Variants in RGS6 observed in about 807,000 individuals in gnomAD.
RGS6 encodes regulator of G protein signaling 6.
Under a neutral mutation model 78.5 loss-of-function variants are expected in RGS6, and 30 were observed. The observed-to-expected ratio is 0.38, with a 90% CI of 0.29 to 0.52. The LOEUF (loss-of-function observed/expected upper bound fraction) is 0.52, where lower values mean the gene tolerates loss of function less well. Among genes scored for constraint, RGS6 ranks in the 20% least tolerant of loss-of-function variants. RGS6 has a pLI of 0.85. For missense variants in RGS6, 495 were observed against 609.7 expected, an observed-to-expected ratio of 0.81 and a Z score of 1.98; for synonymous variants, 206 against 206.0, an observed-to-expected ratio of 1.00 and a Z score of 0.00.
At chr14:72,611,582 C>G in the RGS6 span, among the ~76,000 whole-genome samples, 1 of 152,096 alleles carries the variant, frequency 6.6e-6, no homozygotes, top group Admixed American at 6.5e-5. Flanking sequence ...TTTTCTGCCT[C>G]TGATCAGGCC....
chr14:72,136,958 G>A (rs2153603329), intron 2 of RGS6, among the ~76,000 whole-genome samples: 1 of 152,250 alleles, frequency 6.6e-6, no homozygotes, highest in African/African-American at 2.4e-5. Context: ...CAAGTGAAAT[G>A]GAGAGAGGAT....
intron 2 of RGS6, among the ~76,000 whole-genome samples, chr14:72,278,661 G>C (rs878908240): frequency 6.6e-6 from 1 of 152,124 alleles, no homozygotes; most frequent in Admixed American, 6.5e-5. Context: ...TTACAGGAAC[G>C]TGGCCTTACA....
intron 3 of RGS6, among the ~76,000 whole-genome samples, chr14:72,434,782 C>T (rs913633895): frequency 6.6e-6 from 1 of 152,200 alleles, no homozygotes; most frequent in African/African-American, 2.4e-5. Context: ...TTTACTCACT[C>T]ATTCTCTTCC....
chr14:72,024,551 CT>C (rs1231760028), intron 2 of RGS6, among the ~76,000 whole-genome samples: 1 of 152,200 alleles, frequency 6.6e-6, no homozygotes, highest in African/African-American at 2.4e-5. Flanking sequence ...ATATCCAGCT[CT>C]TGCACTCACG....
intron 2 of RGS6, among the ~76,000 whole-genome samples, chr14:72,236,802 G>C (rs112801826): frequency 6.6e-6 from 1 of 152,072 alleles, no homozygotes; most frequent in Non-Finnish European, 1.5e-5. Flanking sequence ...GGCAGGGGGC[G>C]CTGAGCAGAG....
chr14:72,367,392 G>T (rs1596331278), intron 3 of RGS6, among the ~76,000 whole-genome samples: 1 of 152,104 alleles, frequency 6.6e-6, no homozygotes, highest in Admixed American at 6.5e-5. Flanking sequence ...TTAACAATCT[G>T]CAATGATGGA....
At chr14:71,971,414 G>A (rs190785139) in intron 2 of RGS6, among the ~76,000 whole-genome samples, 79 of 152,278 alleles carry the variant, frequency 5.2e-4, no homozygotes, top group African/African-American at 1.8e-3. Flanking sequence ...TCTCAAGGCA[G>A]ACTACTTTCC....
chr14:72,415,984 C>T (rs931974232), intron 3 of RGS6, among the ~76,000 whole-genome samples: 1 of 151,984 alleles, frequency 6.6e-6, no homozygotes, highest in Non-Finnish European at 1.5e-5. Flanking sequence ...CCCAACTCTA[C>T]TAAAAATACA....
intron 3 of RGS6, among the ~76,000 whole-genome samples, chr14:72,420,135 G>A (rs1020176045): frequency 6.6e-6 from 1 of 152,214 alleles, no homozygotes; most frequent in Non-Finnish European, 1.5e-5. Context: ...CGTGGCAGAA[G>A]TAAGTCTCAA....
intron 3 of RGS6, among the ~76,000 whole-genome samples, chr14:72,367,757 C>T (rs546555373): frequency 1.3e-5 from 2 of 152,254 alleles, no homozygotes; most frequent in Non-Finnish European, 2.9e-5. Context: ...CTTGGCAATA[C>T]AGTTTGGAGT....
intron 2 of RGS6, among the ~76,000 whole-genome samples, chr14:72,148,449 T>G (rs2096638168): frequency 6.6e-6 from 1 of 152,160 alleles, no homozygotes; most frequent in African/African-American, 2.4e-5. Flanking sequence ...ATTGATGGGT[T>G]TTAAGCAGTA....
At chr14:72,226,404 TCTAA>T (rs992864068) in intron 2 of RGS6, among the ~76,000 whole-genome samples, 5 of 152,336 alleles carry the variant, frequency 3.3e-5, no homozygotes, top group Non-Finnish European at 5.9e-5. Flanking sequence ...ATTTCTTCTA[TCTAA>T]CTAGCTAAAC....
intron 2 of RGS6, among the ~76,000 whole-genome samples, chr14:72,214,121 A>G (rs960014536): frequency 2.6e-5 from 4 of 151,730 alleles, no homozygotes; most frequent in Admixed American, 2.6e-4. Context: ...TGGATAGAGT[A>G]TAATGGTGAC....
chr14:72,411,673 T>C (rs955200527), intron 3 of RGS6, among the ~76,000 whole-genome samples: 19 of 152,216 alleles, frequency 1.2e-4, no homozygotes, highest in Admixed American at 1.2e-3. Context: ...TTCCAGTTTT[T>C]GTCCATTCAG....
intron 2 of RGS6, among the ~76,000 whole-genome samples, chr14:72,335,544 A>G (rs1231217081): frequency 6.6e-6 from 1 of 152,186 alleles, no homozygotes; most frequent in Non-Finnish European, 1.5e-5. Flanking sequence ...GCCTGTCTCT[A>G]CATAGAAAGG....
chr14:72,184,415 A>ACAC (rs1567407728), intron 2 of RGS6, among the ~76,000 whole-genome samples: 9 of 108,954 alleles, frequency 8.3e-5, no homozygotes, highest in African/African-American at 3.2e-4. Flanking sequence ...CACACACAGA[A>ACAC]AGAGGGAGAG....
chr14:72,413,403 T>A (rs2093575417), intron 3 of RGS6, among the ~76,000 whole-genome samples: 1 of 152,320 alleles, frequency 6.6e-6, no homozygotes, highest in Middle Eastern at 3.4e-3. Context: ...CTGCCTTTTT[T>A]TGTTTTCCAT....
intron 15 of RGS6, among the ~76,000 whole-genome samples, chr14:72,519,233 C>G (rs898146855): frequency 6.6e-6 from 1 of 152,174 alleles, no homozygotes; most frequent in Non-Finnish European, 1.5e-5. Context: ...AAACAGGAAC[C>G]ACCCTAACCA....
At chr14:72,208,194 A>G (rs1048230228) in intron 2 of RGS6, among the ~76,000 whole-genome samples, 6 of 152,128 alleles carry the variant, frequency 3.9e-5, no homozygotes, top group African/African-American at 1.4e-4. Flanking sequence ...AAGGAGAGAA[A>G]CTCTCTATCT....
Sources: gnomAD v4.1 joint callset for allele counts (sites outside exome capture counted in the v4.1 genomes callset) on GRCh38, gnomAD v4.1.1 for gene constraint, MANE v1.5 for transcripts, NCBI Gene and HGNC (gene_info 2026-07-23, HGNC 2026-07-21) for gene names.